STK39: variants seen among roughly 807,000 people sequenced by gnomAD.
The protein encoded by STK39 is serine/threonine kinase 39.
A neutral mutation model predicts 77.8 loss-of-function variants in STK39; 20 were observed. That is an observed-to-expected ratio of 0.26 (90% CI 0.18 to 0.37). The LOEUF (loss-of-function observed/expected upper bound fraction) is 0.37. STK39 is among the 10% of genes least tolerant of loss of function. The pLI, the probability that STK39 is intolerant of heterozygous loss-of-function variation, is 1.00. For missense variants in STK39, 479 were observed against 656.5 expected (o/e 0.73, Z 2.95); for synonymous variants, 246 against 234.1 (o/e 1.05, Z -0.47).
At chr2:168,151,755 AAT>A (rs1375012508) in intron 5 of STK39, among the ~76,000 whole-genome samples, 2 of 147,706 alleles carry the variant, frequency 1.4e-5, no homozygotes, top group African/African-American at 5.0e-5. Flanking sequence ...AAAAAAAAAA[AAT>A]TCAACAGGAT....
chr2:168,177,637 C>T (rs1442829549), intron 2 of STK39, among the ~76,000 whole-genome samples: 1 of 152,086 alleles, frequency 6.6e-6, no homozygotes, highest in Non-Finnish European at 1.5e-5. Context: ...AGACACATGA[C>T]TTCAAGAAAA....
chr2:168,180,103 G>T (rs6755979), intron 2 of STK39, among the ~76,000 whole-genome samples: 48,088 of 151,990 alleles, frequency 0.32, 7,852 homozygotes, highest in East Asian at 0.46. Flanking sequence ...TCCCAGCACT[G>T]TGGGAGGCCG....
intron 14 of STK39, among the ~76,000 whole-genome samples, chr2:168,037,733 T>C (rs1473078216): frequency 1.3e-5 from 2 of 152,158 alleles, no homozygotes; most frequent in Admixed American, 1.3e-4. Context: ...AAAAAATATA[T>C]GCAAAGTAAA....
At chr2:168,206,868 A>G (rs1452903762) in intron 1 of STK39, among the ~76,000 whole-genome samples, 1 of 152,222 alleles carries the variant, frequency 6.6e-6, no homozygotes, top group Non-Finnish European at 1.5e-5. Flanking sequence ...AAGCTCACAC[A>G]CATCTTCATG....
At chr2:167,959,035 A>G (rs1040277501) in intron 17 of STK39, among the ~76,000 whole-genome samples, 5 of 152,252 alleles carry the variant, frequency 3.3e-5, no homozygotes, top group African/African-American at 1.2e-4. Flanking sequence ...CAGTAGCGAT[A>G]CAAGTTTTCC....
chr2:168,013,393 G>A (rs971761310), intron 15 of STK39, among the ~76,000 whole-genome samples: 1 of 152,314 alleles, frequency 6.6e-6, no homozygotes, highest in Non-Finnish European at 1.5e-5. Flanking sequence ...GAAAGGTTAC[G>A]AATGAACATG....
chr2:168,114,660 C>T (rs1360603517), intron 10 of STK39, among the ~76,000 whole-genome samples: 2 of 152,114 alleles, frequency 1.3e-5, no homozygotes, highest in African/African-American at 4.8e-5. Context: ...GGGTTCTCAA[C>T]TCTAAAAGTT....
At chr2:168,138,719 A>G (rs549060231) in intron 7 of STK39, among the ~76,000 whole-genome samples, 110 of 152,346 alleles carry the variant, frequency 7.2e-4, no homozygotes, top group African/African-American at 2.5e-3. Flanking sequence ...AAAAATGAGA[A>G]AACATACAGA....
intron 1 of STK39, among the ~76,000 whole-genome samples, chr2:168,222,694 T>C (rs887925477): frequency 6.6e-6 from 1 of 152,186 alleles, no homozygotes; most frequent in Non-Finnish European, 1.5e-5. Context: ...TTATCTATCT[T>C]AATTACCCTA....
chr2:168,217,859 G>A (rs1013575898), intron 1 of STK39, among the ~76,000 whole-genome samples: 4 of 152,184 alleles, frequency 2.6e-5, no homozygotes, highest in African/African-American at 9.7e-5. Flanking sequence ...AGGACTGACT[G>A]TAGACATATT....
At chr2:168,155,340 G>A (rs1688398815) in intron 5 of STK39, among the ~76,000 whole-genome samples, 1 of 152,144 alleles carries the variant, frequency 6.6e-6, no homozygotes, top group African/African-American at 2.4e-5. Context: ...TTCCAGAACT[G>A]AGTACATTCT....
At chr2:168,205,517 A>T (rs1423293942) in intron 1 of STK39, among the ~76,000 whole-genome samples, 1 of 152,194 alleles carries the variant, frequency 6.6e-6, no homozygotes. Context: ...AAATTATTTT[A>T]TATATGGGCT....
rs996579142 is a variant in STK39 at position 167,954,599 on chromosome 2, A to G, written c.*897T>C. 3.3e-5 allele frequency: 5 copies of G among 152,664 alleles called. No homozygotes were observed. Among genetic ancestry groups the G allele is most frequent in the African/African-American group, 1.2e-4 (5 of 41,456 alleles). The allele number at this position is 152,664 out of a possible 1,614,324, so 9.5% of individuals were successfully genotyped here. ...TGGCAACATTTTACATAGCATTCTA[A>G]ACGGTCCAATGAAGCAAAACTTAAC... On this transcript the variant is annotated 3_prime_UTR_variant, in exon 18 of 18. Coordinates refer to ENST00000355999, the MANE Select transcript of STK39 (RefSeq NM_013233.3).
chr2:168,048,201 C>T (rs937504460), intron 14 of STK39, among the ~76,000 whole-genome samples: 1 of 151,224 alleles, frequency 6.6e-6, no homozygotes, highest in African/African-American at 2.4e-5. Context: ...TTTTCTACCT[C>T]CTTCTTGGCC....
At chr2:168,224,077 TTA>T in intron 1 of STK39, among the ~76,000 whole-genome samples, 1 of 152,178 alleles carries the variant, frequency 6.6e-6, no homozygotes, top group African/African-American at 2.4e-5. Flanking sequence ...GAAAAAAAGA[TTA>T]TATATAGTCA....
intron 12 of STK39, among the ~76,000 whole-genome samples, chr2:168,074,473 A>T (rs1686023069): frequency 6.6e-6 from 1 of 152,208 alleles, no homozygotes; most frequent in South Asian, 2.1e-4. Flanking sequence ...AGCTGTTAAA[A>T]TTTTTTGAGT....
chr2:168,033,872 A>C (rs911787953), intron 14 of STK39, among the ~76,000 whole-genome samples: 25 of 152,226 alleles, frequency 1.6e-4, no homozygotes, highest in African/African-American at 3.1e-4. Flanking sequence ...CTATAAAATA[A>C]GGTAGTGACA....
intron 1 of STK39, among the ~76,000 whole-genome samples, chr2:168,226,783 G>A (rs1390578907): frequency 1.3e-5 from 2 of 152,174 alleles, no homozygotes; most frequent in Non-Finnish European, 2.9e-5. Context: ...ACAACTGGAA[G>A]AAATTGTCAC....
At chr2:168,231,395 T>C (rs939587395) in intron 1 of STK39, among the ~76,000 whole-genome samples, 4 of 151,990 alleles carry the variant, frequency 2.6e-5, no homozygotes, top group Non-Finnish European at 4.4e-5. Flanking sequence ...TTCCAATTTC[T>C]CAGGAGGAAA....
Sources: allele counts gnomAD v4.1 joint callset (sites outside exome capture counted in the v4.1 genomes callset), GRCh38; gene constraint gnomAD v4.1.1; transcripts MANE v1.5; gene names NCBI Gene and HGNC (gene_info 2026-07-23, HGNC 2026-07-21).